NT5C1B: variants seen among roughly 807,000 people sequenced by gnomAD.
NT5C1B encodes 5'-nucleotidase, cytosolic IB.
NT5C1B carries 44 observed loss-of-function variants against 57.8 expected under a neutral mutation model. The ratio of observed to expected loss-of-function variants is 0.76; its 90% CI spans 0.60 to 0.98. The LOEUF (loss-of-function observed/expected upper bound fraction) is 0.98, where lower values mean the gene tolerates loss of function less well. NT5C1B is among the 50% of genes least tolerant of loss of function. The pLI is 0.00. For missense variants in NT5C1B, 742 were observed against 719.5 expected (o/e 1.03, Z -0.36); for synonymous variants, 284 against 282.6 (o/e 1.00, Z -0.05).
intron 5 of NT5C1B, 127 bp downstream of exon 5, chr2:18,583,961 A>G (rs1666419781): frequency 1.3e-6 from 2 of 1,546,138 alleles, no homozygotes; most frequent in Admixed American, 1.7e-5. Flanking sequence ...GGTCAGCTAG[A>G]AGGAGACAAG....
intron 8 of NT5C1B, among the ~76,000 whole-genome samples, chr2:18,574,248 C>G (rs1456165092): frequency 5.3e-5 from 8 of 152,014 alleles, no homozygotes; most frequent in African/African-American, 1.9e-4. Flanking sequence ...TCAGAGAAAT[C>G]CAAATAAAAA....
chr2:18,571,718 G>GTATGTATATATA (rs1665185669), intron 8 of NT5C1B, among the ~76,000 whole-genome samples: 1 of 111,444 alleles, frequency 9.0e-6, no homozygotes, highest in Admixed American at 1.0e-4. Context: ...CTGTGTGTGT[G>GTATGTATATATA]TATATATATA....
intron 8 of NT5C1B, among the ~76,000 whole-genome samples, chr2:18,571,421 A>G (rs1332818512): frequency 6.6e-6 from 1 of 152,034 alleles, no homozygotes; most frequent in Non-Finnish European, 1.5e-5. Flanking sequence ...TAGTACCAAA[A>G]TATTACAAAA....
chr2:18,578,110 C>G (rs1665869075), intron 6 of NT5C1B, among the ~76,000 whole-genome samples: 1 of 152,086 alleles, frequency 6.6e-6, no homozygotes, highest in South Asian at 2.1e-4. Context: ...TAACAAGTTT[C>G]TAAATTGAAT....
chr2:18,564,269 C>A (rs1664438887), intron 8 of NT5C1B, 150 bp from the exon 9 acceptor site: 2 of 912,376 alleles, frequency 2.2e-6, no homozygotes, highest in Non-Finnish European at 3.0e-6. Context: ...AATGCTAAAA[C>A]TTGATAGGAA....
At chr2:18,569,968 C>T (rs1665002762) in intron 8 of NT5C1B, among the ~76,000 whole-genome samples, 1 of 152,044 alleles carries the variant, frequency 6.6e-6, no homozygotes, top group Non-Finnish European at 1.5e-5. Flanking sequence ...AAACATACCA[C>T]AACAAATTTA....
At chr2:18,563,700 C>A in exon 9 of NT5C1B, 1 of 1,320,232 alleles carries the variant, frequency 7.6e-7, no homozygotes, top group Non-Finnish European at 9.9e-7. Flanking sequence ...TTTTAAGGTC[C>A]AATTTTCTGA....
At chr2:18,564,048 T>G (rs780605705) in exon 9 of NT5C1B, 3 of 1,611,236 alleles carry the variant, frequency 1.9e-6, no homozygotes, top group East Asian at 4.5e-5. Flanking sequence ...TAGGACAAAG[T>G]AACCGTTCAT....
Position 18,576,145 on chromosome 2 carries a change from A to G in NT5C1B, c.1329+39T>C, listed in dbSNP as rs1572341569. The G allele has an allele frequency of 6.5e-6, 10 of 1,533,302 alleles. No individual in the cohort carries two copies. The East Asian group carries it at 2.4e-4, about 36-fold the overall frequency. 95.0% of individuals were successfully genotyped at this position (1,533,302 alleles called of 1,614,324 possible). ...TTGATATTTATATATTAGAAAATAA[A>G]TAAGTACATAAAAATTAATTAGCAC... On this transcript the variant is annotated intron_variant, in intron 8 of 8. Transcript: ENST00000304081.
chr2:18,565,129 T>A (rs1409909263), intron 8 of NT5C1B, among the ~76,000 whole-genome samples: 1 of 152,186 alleles, frequency 6.6e-6, no homozygotes, highest in Non-Finnish European at 1.5e-5. Context: ...TTACATTTCA[T>A]CCTTTGATTG....
intron 8 of NT5C1B, 27 bp downstream of exon 8, chr2:18,576,157 A>C: frequency 6.4e-7 from 1 of 1,557,252 alleles, no homozygotes; most frequent in Non-Finnish European, 8.6e-7. Context: ...AAGTACATAA[A>C]AATTAATTAG....
At chr2:18,582,909 G>A in exon 6 of NT5C1B, 2 of 1,613,902 alleles carry the variant, frequency 1.2e-6, no homozygotes, top group Non-Finnish European at 1.7e-6. Context: ...TCCCACTTGG[G>A]CATGGTTATT....
At chr2:18,585,237 T>TAC in intron 3 of NT5C1B, 1 of 739,726 alleles carries the variant, frequency 1.4e-6, no homozygotes. Flanking sequence ...TTGTTTGGAG[T>TAC]AGATAGGACC....
intron 1 of NT5C1B, 124 bp from the exon 2 acceptor site, chr2:18,587,716 A>G: frequency 1.1e-5 from 12 of 1,081,862 alleles, no homozygotes; most frequent in Non-Finnish European, 1.6e-5. Flanking sequence ...AAAAGGTATA[A>G]ACTCTAGACC....
At chr2:18,578,313 G>C (rs1388765360) in intron 6 of NT5C1B, among the ~76,000 whole-genome samples, 1 of 151,654 alleles carries the variant, frequency 6.6e-6, no homozygotes, top group Non-Finnish European at 1.5e-5. Context: ...CAGAGACACA[G>C]AAAAAAGAAA....
chr2:18,583,348 G>A lies in NT5C1B; in HGVS notation c.892-351C>T, dbSNP rs555958028. ...AATCTGCTTTTATCGATCATCTAAT[G>A]ATTGTTTTTTTTATTTTGAAAAATA... On this transcript the variant is annotated intron_variant, in intron 5 of 8. Transcript: ENST00000304081. 4.4e-5 allele frequency: 8 copies of A among 181,076 alleles called. No homozygotes were observed. The East Asian group carries it at 1.2e-3, about 28-fold the overall frequency. The allele number at this position is 181,076 out of a possible 1,614,324, so 11.2% of individuals were successfully genotyped here. A position where few individuals can be genotyped will look rare whatever the true frequency, so the allele number is the denominator to read the frequency against.
intron 8 of NT5C1B, among the ~76,000 whole-genome samples, chr2:18,565,968 C>T (rs114151670): frequency 0.017 from 2,583 of 152,126 alleles, 40 homozygotes; most frequent in African/African-American, 0.045. Flanking sequence ...TTGGAAGGGA[C>T]GAAAGATTTA....
chr2:18,582,138 C>G (rs1666238203), intron 6 of NT5C1B, among the ~76,000 whole-genome samples: 1 of 152,120 alleles, frequency 6.6e-6, no homozygotes, highest in African/African-American at 2.4e-5. Context: ...GAAGACTGCA[C>G]TTTTAAAAGG....
chr2:18,581,450 T>A (rs1346721565), intron 6 of NT5C1B, among the ~76,000 whole-genome samples: 2 of 152,122 alleles, frequency 1.3e-5, no homozygotes, highest in Non-Finnish European at 2.9e-5. Flanking sequence ...TTTTTTTAGA[T>A]ATATGATAAA....
Sources: allele counts gnomAD v4.1 joint callset (sites outside exome capture counted in the v4.1 genomes callset), GRCh38; gene constraint gnomAD v4.1.1; transcripts MANE v1.5; gene names NCBI Gene and HGNC (gene_info 2026-07-23, HGNC 2026-07-21).